LUZP2: variants seen among roughly 807,000 people sequenced by gnomAD.
LUZP2 encodes the protein leucine zipper protein 2.
A neutral mutation model predicts 51.6 loss-of-function variants in LUZP2; 52 were observed. The ratio of observed to expected loss-of-function variants is 1.01; its 90% CI spans 0.81 to 1.27. LUZP2 has a LOEUF of 1.27. LUZP2 is among the 50% of genes most tolerant of loss of function. The probability of loss-of-function intolerance (pLI) is 0.00; values close to 1 mark genes in which losing one functional copy is unlikely to be tolerated. For synonymous variants in LUZP2, 154 were observed against 137.3 expected, an observed-to-expected ratio of 1.12 and a Z score of -0.85; for missense variants, 436 against 395.4, an observed-to-expected ratio of 1.10 and a Z score of -0.87.
chr11:24,765,120 T>G (rs764109353), intron 5 of LUZP2, among the ~76,000 whole-genome samples: 16 of 152,194 alleles, frequency 1.1e-4, no homozygotes, highest in Non-Finnish European at 2.1e-4. Context: ...CAATTAAATG[T>G]TTTCAATTTT....
At chr11:24,526,821 G>T (rs866908162) in intron 1 of LUZP2, among the ~76,000 whole-genome samples, 8 of 151,050 alleles carry the variant, frequency 5.3e-5, no homozygotes, top group African/African-American at 1.9e-4. Context: ...AATGGAGTTG[G>T]ACTAGTCTAG....
chr11:25,013,018 C>T (rs1857027333), intron 9 of LUZP2, among the ~76,000 whole-genome samples: 1 of 152,048 alleles, frequency 6.6e-6, no homozygotes. Context: ...ACTAGGTATA[C>T]CCAAATGGAA....
At chr11:24,708,372 G>A (rs904541992) in intron 1 of LUZP2, among the ~76,000 whole-genome samples, 2 of 152,100 alleles carry the variant, frequency 1.3e-5, no homozygotes, top group Non-Finnish European at 2.9e-5. Flanking sequence ...CCATTAGAAA[G>A]AGTCATCTGG....
At chr11:24,542,963 A>G (rs1046700096) in intron 1 of LUZP2, among the ~76,000 whole-genome samples, 4 of 151,874 alleles carry the variant, frequency 2.6e-5, no homozygotes, top group Admixed American at 2.0e-4. Context: ...ATGGAATTGA[A>G]GGTGAAATGA....
intron 10 of LUZP2, among the ~76,000 whole-genome samples, chr11:25,052,371 T>C (rs1284486060): frequency 6.6e-6 from 1 of 152,156 alleles, no homozygotes; most frequent in African/African-American, 2.4e-5. Flanking sequence ...CCACAACCCA[T>C]TGCAGAAAAA....
Position 24,589,920 on chromosome 11 carries a change from G to A in LUZP2, c.62+92615G>A, listed in dbSNP as rs75733084. On this transcript the variant is annotated intron_variant, in intron 1 of 11. Transcript: ENST00000336930. ...AGTGACAGCAGCTATGTTCACAACC[G>A]AAGTAATTGGGGTTTGAAAAAACAG... Among the ~76,000 whole-genome samples the A allele has an allele frequency of 0.011, 591 of 54,710 alleles. 24 individuals are homozygous for A. In the East Asian group the frequency reaches 0.19, roughly 17 times the overall value. 35.9% of individuals were successfully genotyped at this position (54,710 alleles called of 152,430 possible).
At chr11:24,847,876 A>G (rs1851252511) in intron 5 of LUZP2, among the ~76,000 whole-genome samples, 1 of 152,124 alleles carries the variant, frequency 6.6e-6, no homozygotes, top group African/African-American at 2.4e-5. Context: ...TGTTACTATC[A>G]CCATTAATTT....
At chr11:24,861,421 G>A (rs560695126) in intron 5 of LUZP2, among the ~76,000 whole-genome samples, 4 of 152,260 alleles carry the variant, frequency 2.6e-5, no homozygotes, top group African/African-American at 7.2e-5. Flanking sequence ...AAACAAGCTA[G>A]GAAACACACT....
intron 4 of LUZP2, among the ~76,000 whole-genome samples, chr11:24,759,924 C>T (rs183655780): frequency 6.6e-6 from 1 of 152,160 alleles, no homozygotes; most frequent in African/African-American, 2.4e-5. Flanking sequence ...AGAACAAGTG[C>T]CCCTGGTGGT....
intron 7 of LUZP2, among the ~76,000 whole-genome samples, chr11:24,951,713 T>C (rs1305190589): frequency 6.6e-6 from 1 of 151,606 alleles, no homozygotes; most frequent in Non-Finnish European, 1.5e-5. Flanking sequence ...TTTCCAGTTG[T>C]ACAATTTGGG....
intron 5 of LUZP2, among the ~76,000 whole-genome samples, chr11:24,893,978 CA>C (rs1852939814): frequency 6.6e-6 from 1 of 152,000 alleles, no homozygotes; most frequent in Non-Finnish European, 1.5e-5. Context: ...TTCTGTGTTT[CA>C]ATTGTTTATT....
intron 4 of LUZP2, among the ~76,000 whole-genome samples, chr11:24,740,424 C>A (rs1028221957): frequency 5.9e-5 from 9 of 152,248 alleles, no homozygotes; most frequent in Non-Finnish European, 2.9e-5. Flanking sequence ...TTCCTTATGG[C>A]TGAACACTGG....
At chr11:24,637,658 A>C (rs1855150976) in intron 1 of LUZP2, among the ~76,000 whole-genome samples, 1 of 151,736 alleles carries the variant, frequency 6.6e-6, no homozygotes, top group Non-Finnish European at 1.5e-5. Flanking sequence ...GATTGATAAT[A>C]AGGACTGAAA....
chr11:24,947,137 A>G (rs1383023398), intron 7 of LUZP2, among the ~76,000 whole-genome samples: 2 of 152,016 alleles, frequency 1.3e-5, no homozygotes, highest in African/African-American at 2.4e-5. Context: ...CAATTTCCAT[A>G]TATTTTGTAT....
intron 4 of LUZP2, among the ~76,000 whole-genome samples, chr11:24,755,153 GA>G (rs926716487): frequency 6.5e-5 from 9 of 139,478 alleles, no homozygotes; most frequent in East Asian, 2.0e-4. Context: ...CTAAAAAACA[GA>G]AAAAAAAAAC....
intron 5 of LUZP2, among the ~76,000 whole-genome samples, chr11:24,883,866 T>A (rs1852574613): frequency 1.3e-5 from 2 of 151,982 alleles, no homozygotes; most frequent in African/African-American, 4.8e-5. Flanking sequence ...TTAACACACA[T>A]ATTGGTAAAA....
At chr11:24,904,067 G>A (rs2133784272) in intron 5 of LUZP2, among the ~76,000 whole-genome samples, 2 of 152,104 alleles carry the variant, frequency 1.3e-5, no homozygotes, top group East Asian at 3.9e-4. Flanking sequence ...TTCCGTAATG[G>A]CTGTACTAAT....
At chr11:24,612,221 T>G (rs1414344953) in intron 1 of LUZP2, among the ~76,000 whole-genome samples, 1 of 152,124 alleles carries the variant, frequency 6.6e-6, no homozygotes, top group African/African-American at 2.4e-5. Flanking sequence ...GATTACATAG[T>G]TTTACACTTG....
At chr11:24,768,772 GAGAA>G (rs66466465) in intron 5 of LUZP2, among the ~76,000 whole-genome samples, 79,662 of 151,588 alleles carry the variant, frequency 0.53, 21,338 homozygotes, top group Non-Finnish European at 0.6. Flanking sequence ...CAAGGATGTG[GAGAA>G]AGAACTGTTA....
Sources: gnomAD v4.1 joint callset for allele counts (sites outside exome capture counted in the v4.1 genomes callset) on GRCh38, gnomAD v4.1.1 for gene constraint, MANE v1.5 for transcripts, NCBI Gene and HGNC (gene_info 2026-07-23, HGNC 2026-07-21) for gene names.